Variants in DHRS3 observed in about 807,000 individuals in gnomAD.
DHRS3 encodes dehydrogenase/reductase 3, also known as short-chain dehydrogenase/reductase 3.
Under a neutral mutation model 27.2 loss-of-function variants are expected in DHRS3, and 14 were observed. The observed-to-expected ratio is 0.52, with a 90% CI of 0.34 to 0.81. The LOEUF is 0.81. Ranked by LOEUF, DHRS3 falls within the 30% of genes least tolerant of loss-of-function variation. The pLI, the probability that DHRS3 is intolerant of heterozygous loss-of-function variation, is 0.01. For synonymous variants in DHRS3, 165 were observed against 175.9 expected (o/e 0.94, Z 0.49); for missense variants, 322 against 406.2 (o/e 0.79, Z 1.78).
At position 12,568,376 on chromosome 1, in the gene DHRS3, G is replaced by T. The variant is rs1407209035; in HGVS notation, c.873C>A (p.Thr291=). ...ALEEIHKFSG[T]YTCMNTFKGR... The stretch of plus-strand genomic sequence containing the variant: ...CTTTGAAAGTGTTCATGCAGGTGTA[G>T]GTTCCTGAGAATTTGTGGATCTCCT... The change falls in exon 6 of 6, where the codon ACC becomes ACA. Residue 291 remains threonine (T), a synonymous_variant. Transcript: ENST00000616661. 3.7e-6 allele frequency: 6 copies of T among 1,613,880 alleles called. No homozygotes were observed. Among genetic ancestry groups the T allele is most frequent in the Non-Finnish European group, 5.1e-6 (6 of 1,179,864 alleles).
intron 1 of DHRS3, among the ~76,000 whole-genome samples, chr1:12,605,754 C>T (rs1217090138): frequency 6.6e-6 from 1 of 152,140 alleles, no homozygotes; most frequent in Non-Finnish European, 1.5e-5. Context: ...GAAGCAAGAA[C>T]AAACATCAAA....
chr1:12,600,291 C>T (rs1330526263), intron 1 of DHRS3: 1 of 955,396 alleles, frequency 1.0e-6, no homozygotes, highest in Non-Finnish European at 1.2e-6. Context: ...TCCCCAAAGC[C>T]AAGGCATGGA....
intron 5 of DHRS3, chr1:12,570,054 C>A (rs1322650200): frequency 6.6e-6 from 1 of 152,216 alleles, no homozygotes; most frequent in Non-Finnish European, 1.5e-5. Context: ...TGCTGACCTT[C>A]TCTCCCTTCA....
At position 12,574,994 on chromosome 1, in the gene DHRS3, G is replaced by A. The variant is rs1037401543; in HGVS notation, c.699-2141C>T. 6.6e-6 allele frequency among the ~76,000 whole-genome samples: 1 copy of A among 152,162 alleles called. No homozygotes were observed. Among genetic ancestry groups the A allele is most frequent in the Admixed American group, 6.6e-5 (1 of 15,266 alleles). ...CCAAATGCAGCAGCACTTGTAAAGT[G>A]TCTAGTGGTTCTAGGTGGTTCTATG... On this transcript the variant is annotated intron_variant, in intron 4 of 5. Coordinates refer to ENST00000616661, the MANE Select transcript of DHRS3 (RefSeq NM_004753.7). This position sits in a 1 kb window ranked among gnomAD's most constrained non-coding sequence, Gnocchi z 4.6.
intron 4 of DHRS3, among the ~76,000 whole-genome samples, chr1:12,573,712 A>C (rs1176544835): frequency 1.3e-5 from 2 of 152,220 alleles, no homozygotes; most frequent in African/African-American, 4.8e-5. Context: ...TCTCAAAATG[A>C]ATGAATGAAT....
At position 12,568,152 on chromosome 1, in the gene DHRS3, T is replaced by C. The variant is rs1646500616; in HGVS notation, c.*188A>G. On this transcript the variant is annotated 3_prime_UTR_variant, in exon 6 of 6. Transcript: ENST00000616661. ...CTGTTTTCCTGCCTCCCTGTGGGGGTCAGTTATACCCATCAGTCCTGTGCA... is the reference window on the plus strand; with the variant it reads ...CTGTTTTCCTGCCTCCCTGTGGGGGCCAGTTATACCCATCAGTCCTGTGCA... 1.8e-6 allele frequency: 1 copy of C among 551,302 alleles called. No individual in the cohort carries two copies. The highest frequency in any genetic ancestry group is 1.9e-5 in the African/African-American group (1 of 52,676). The allele number at this position is 551,302 out of a possible 1,614,324, so 34.2% of individuals were successfully genotyped here.
At chr1:12,573,179 G>A (rs2100645817) in intron 4 of DHRS3, among the ~76,000 whole-genome samples, 1 of 151,778 alleles carries the variant, frequency 6.6e-6, no homozygotes. Context: ...TTGTCCTTCT[G>A]AGTCCTTTTC....
intron 4 of DHRS3, among the ~76,000 whole-genome samples, chr1:12,575,031 G>C (rs1055350793): frequency 6.6e-6 from 1 of 152,030 alleles, no homozygotes; most frequent in Non-Finnish European, 1.5e-5. Context: ...CTGGAACATC[G>C]AAGAGGCTCA....
chr1:12,568,482 T>C, intron 5 of DHRS3, 58 bp from the exon 6 acceptor site: 3 of 1,555,890 alleles, frequency 1.9e-6, no homozygotes, highest in Non-Finnish European at 2.7e-6. Context: ...ATCCAGGGGC[T>C]GGGTCGCTGG....
intron 1 of DHRS3, among the ~76,000 whole-genome samples, chr1:12,605,007 G>A (rs1181024206): frequency 1.3e-5 from 2 of 150,232 alleles, no homozygotes; most frequent in Non-Finnish European, 2.9e-5. Context: ...AACCCGGGAG[G>A]AGGTGGAGGT....
rs1646501376 is a variant in DHRS3 at position 12,568,218 on chromosome 1, T to G, written c.*122A>C. The G allele has an allele frequency of 1.1e-6, 1 of 950,040 alleles. No individual in the cohort carries two copies. The highest frequency in any genetic ancestry group is 1.4e-5 in the South Asian group (1 of 71,828). 58.9% of individuals were successfully genotyped at this position (950,040 alleles called of 1,614,324 possible). On this transcript the variant is annotated 3_prime_UTR_variant, in exon 6 of 6. Transcript: ENST00000616661. Reference sequence around the variant, plus strand: ...GCCCAGGGGCAGCCGGATTCTTCGCTGGGGACAGGAGCTGTCCTGCTCACC... The same window carrying G: ...GCCCAGGGGCAGCCGGATTCTTCGCGGGGGACAGGAGCTGTCCTGCTCACC...
chr1:12,612,226 C>G (rs1235024734), intron 1 of DHRS3, among the ~76,000 whole-genome samples: 1 of 152,148 alleles, frequency 6.6e-6, no homozygotes, highest in African/African-American at 2.4e-5. Flanking sequence ...GGCCACTGCT[C>G]TCTCCCTGTA....
intron 1 of DHRS3, among the ~76,000 whole-genome samples, chr1:12,601,098 G>A (rs1017965866): frequency 2.6e-5 from 4 of 152,016 alleles, no homozygotes; most frequent in Admixed American, 6.6e-5. Context: ...CTGTTTCCAC[G>A]TGGCATGACT....
chr1:12,587,406 A>T (rs910686097), intron 1 of DHRS3, among the ~76,000 whole-genome samples: 1 of 152,140 alleles, frequency 6.6e-6, no homozygotes, highest in Non-Finnish European at 1.5e-5. Context: ...AGCCTCCCAA[A>T]GTGCTGGGAT....
intron 1 of DHRS3, among the ~76,000 whole-genome samples, chr1:12,595,074 T>C (rs1346266720): frequency 6.6e-6 from 1 of 151,986 alleles, no homozygotes; most frequent in Non-Finnish European, 1.5e-5. Flanking sequence ...TCCAGAACAA[T>C]TGGTTTACGC....
At chr1:12,571,282 G>A (rs1178405041) in intron 5 of DHRS3, among the ~76,000 whole-genome samples, 1 of 152,190 alleles carries the variant, frequency 6.6e-6, no homozygotes, top group Non-Finnish European at 1.5e-5. Context: ...AATTCTGGAG[G>A]AGGAGTCTCT....
At chr1:12,580,469 C>T (rs757926421) in intron 2 of DHRS3, 54 bp downstream of exon 2, 21 of 1,612,674 alleles carry the variant, frequency 1.3e-5, no homozygotes, top group Admixed American at 3.3e-5. Flanking sequence ...TCTCTTTGCC[C>T]GGAATTAGCC....
intron 1 of DHRS3, among the ~76,000 whole-genome samples, chr1:12,587,723 A>AAAAAC (rs56072193): frequency 2.3e-4 from 35 of 150,828 alleles, no homozygotes; most frequent in East Asian, 5.9e-4. Flanking sequence ...ACAAAAACCA[A>AAAAAC]AAAACAAAAC....
At position 12,579,419 on chromosome 1, in the gene DHRS3, G is replaced by A; in HGVS notation, c.340-7C>T. 1 of 1,613,462 alleles carries A rather than the reference G, an allele frequency of 6.2e-7. No homozygotes were observed. The highest frequency in any genetic ancestry group is 1.7e-4 in the Middle Eastern group (1 of 6,060). ...GGATGGTGATGTCACCCACCTGCAG[G>A]CGAGAGGGAGCCACGGGGCCATGAG... On this transcript the variant is annotated splice_polypyrimidine_tract_variant and splice_region_variant and intron_variant, in intron 2 of 5. Transcript: ENST00000616661.
Sources: gnomAD v4.1 joint callset for allele counts (sites outside exome capture counted in the v4.1 genomes callset) on GRCh38, gnomAD v4.1.1 for gene constraint, Gnocchi (gnomAD v3.1) non-coding constraint, MANE v1.5 for transcripts, NCBI Gene and HGNC (gene_info 2026-07-23, HGNC 2026-07-21) for gene names.